Variants in EDIL3 observed in about 807,000 individuals in gnomAD.
The protein encoded by EDIL3 is EGF like and discoidin domains 3, also known as EGF-like repeat and discoidin I-like domain-containing protein 3.
In EDIL3, 37 loss-of-function variants were observed where a neutral mutation model predicts 67.4. The observed-to-expected ratio is 0.55, with a 90% CI of 0.42 to 0.72. EDIL3 has a LOEUF of 0.72. Ranked by LOEUF, EDIL3 falls within the 30% of genes least tolerant of loss-of-function variation. EDIL3 has a pLI of 0.00. For synonymous variants in EDIL3, 195 were observed against 196.3 expected (o/e 0.99, Z 0.05); for missense variants, 527 against 586.3 (o/e 0.90, Z 1.04).
At chr5:84,326,488 T>C (rs1746758746) in intron 1 of EDIL3, among the ~76,000 whole-genome samples, 1 of 145,326 alleles carries the variant, frequency 6.9e-6, no homozygotes, top group Non-Finnish European at 1.5e-5. Context: ...AGTATGAAAT[T>C]ATTTAATACC....
chr5:84,105,927 A>G (rs1747451966), intron 6 of EDIL3, among the ~76,000 whole-genome samples: 2 of 152,052 alleles, frequency 1.3e-5, no homozygotes, highest in African/African-American at 2.4e-5. Flanking sequence ...TCCTCCCTTT[A>G]GTACACATCA....
chr5:84,336,377 G>A (rs1046672657), intron 1 of EDIL3, among the ~76,000 whole-genome samples: 1 of 152,164 alleles, frequency 6.6e-6, no homozygotes, highest in Non-Finnish European at 1.5e-5. Flanking sequence ...GTGAGTTATG[G>A]TCTGTAACTG....
intron 1 of EDIL3, among the ~76,000 whole-genome samples, chr5:84,281,034 G>T (rs1246259984): frequency 6.7e-6 from 1 of 150,302 alleles, no homozygotes; most frequent in Admixed American, 6.6e-5. Context: ...GTTAATGTTT[G>T]CAAAGCCCTG....
chr5:84,293,500 C>A (rs905397751), intron 1 of EDIL3, among the ~76,000 whole-genome samples: 1 of 150,610 alleles, frequency 6.6e-6, no homozygotes. Flanking sequence ...TGTTTTCAAG[C>A]GTAGACTTAC....
intron 1 of EDIL3, among the ~76,000 whole-genome samples, chr5:84,255,089 A>T (rs2112077541): frequency 6.6e-6 from 1 of 152,302 alleles, no homozygotes; most frequent in South Asian, 2.1e-4. Flanking sequence ...TGCATATGAT[A>T]AGGTGCTACA....
intron 4 of EDIL3, among the ~76,000 whole-genome samples, chr5:84,142,325 T>C (rs946888846): frequency 3.3e-5 from 5 of 152,040 alleles, no homozygotes; most frequent in African/African-American, 1.2e-4. Flanking sequence ...CAGATTCCGC[T>C]AGTTGGCCAG....
intron 4 of EDIL3, among the ~76,000 whole-genome samples, chr5:84,159,701 G>A (rs1748570409): frequency 6.6e-6 from 1 of 151,878 alleles, no homozygotes; most frequent in African/African-American, 2.4e-5. Flanking sequence ...TTAAAATAAT[G>A]AGATATGGTT....
chr5:84,029,369 A>C (rs114217722), intron 9 of EDIL3, among the ~76,000 whole-genome samples: 4,514 of 152,222 alleles, frequency 0.03, 216 homozygotes, highest in African/African-American at 0.1. Flanking sequence ...TGCCTTCCGC[A>C]ACGATTGTGA....
intron 1 of EDIL3, among the ~76,000 whole-genome samples, chr5:84,288,687 C>T (rs970379806): frequency 6.6e-6 from 1 of 152,100 alleles, no homozygotes; most frequent in Non-Finnish European, 1.5e-5. Context: ...TAAGTCTTTA[C>T]TAAGAAATTA....
rs140975752 is a variant in EDIL3, at chr5:84,174,723, T to C, written c.355+5670A>G. Among the ~76,000 whole-genome samples the C allele has an allele frequency of 2.2e-3, 328 of 152,278 alleles. 2 individuals carry two copies. Among genetic ancestry groups the C allele is most frequent in the African/African-American group, 7.4e-3 (306 of 41,560 alleles). The stretch of plus-strand genomic sequence containing the variant: ...AGAACAAGACGGACTGTTGGGTCTA[T>C]GGAGAGCTGCTGCTTTCCACCATGG... On this transcript the variant is annotated intron_variant, in intron 4 of 10. Coordinates refer to ENST00000296591, the MANE Select transcript of EDIL3 (RefSeq NM_005711.5).
chr5:84,094,882 A>T (rs1361602607), intron 6 of EDIL3, among the ~76,000 whole-genome samples: 8 of 152,248 alleles, frequency 5.3e-5, no homozygotes, highest in African/African-American at 1.4e-4. Flanking sequence ...ATTTAGAAAC[A>T]TTAACTGTTT....
intron 6 of EDIL3, among the ~76,000 whole-genome samples, chr5:84,076,974 C>A (rs995412641): frequency 2.0e-5 from 3 of 152,118 alleles, no homozygotes; most frequent in African/African-American, 7.2e-5. Context: ...TGCATAAACC[C>A]CTTTTCATCA....
chr5:84,025,027 C>T (rs1745786986), intron 9 of EDIL3, among the ~76,000 whole-genome samples: 1 of 152,054 alleles, frequency 6.6e-6, no homozygotes, highest in African/African-American at 2.4e-5. Context: ...AAACCTTTCC[C>T]AGAAGCCCTC....
chr5:84,337,888 C>T (rs771746385), intron 1 of EDIL3, among the ~76,000 whole-genome samples: 2 of 151,838 alleles, frequency 1.3e-5, no homozygotes, highest in Admixed American at 6.6e-5. Flanking sequence ...TTTATTGTAC[C>T]ATAATAAAAT....
chr5:84,276,162 C>T (rs1745580243), intron 1 of EDIL3, among the ~76,000 whole-genome samples: 1 of 152,102 alleles, frequency 6.6e-6, no homozygotes. Flanking sequence ...CCTATCTTAT[C>T]TCATTCTTTT....
rs367950712 is a variant in EDIL3 at position 84,216,407 on chromosome 5, G to T, written c.226+13448C>A. On this transcript the variant is annotated intron_variant, in intron 3 of 10. Transcript: ENST00000296591. ...TTTATAATATATGCATAACAAAAAA[G>T]TTGAATAACTCTATATGACTTTTAC... Among the ~76,000 whole-genome samples, 19 of 152,204 alleles carry T rather than the reference G, an allele frequency of 1.2e-4. No homozygotes were observed. In the East Asian group the frequency reaches 1.9e-3, roughly 15 times the overall value.
At chr5:84,267,502 G>T (rs1246770563) in intron 1 of EDIL3, among the ~76,000 whole-genome samples, 4 of 152,138 alleles carry the variant, frequency 2.6e-5, no homozygotes, top group African/African-American at 9.7e-5. Context: ...ATGCTAGAAA[G>T]ATATATTGGT....
At chr5:84,132,391 A>T (rs1184871989) in intron 5 of EDIL3, among the ~76,000 whole-genome samples, 7 of 78,974 alleles carry the variant, frequency 8.9e-5, no homozygotes, top group African/African-American at 1.8e-4. Flanking sequence ...AATATATTTT[A>T]TATATAATAT....
At chr5:84,381,762 T>A (rs1277447292) in intron 1 of EDIL3, among the ~76,000 whole-genome samples, 1 of 152,232 alleles carries the variant, frequency 6.6e-6, no homozygotes, top group Non-Finnish European at 1.5e-5. Flanking sequence ...ATGCATGTTA[T>A]TGAATTTTTT....
Sources: allele counts gnomAD v4.1 joint callset (sites outside exome capture counted in the v4.1 genomes callset), GRCh38; gene constraint gnomAD v4.1.1; transcripts MANE v1.5; gene names NCBI Gene and HGNC (gene_info 2026-07-23, HGNC 2026-07-21).